SPOCK1: variants seen among roughly 807,000 people sequenced by gnomAD.
SPOCK1 encodes the protein testican-1.
SPOCK1 carries 23 observed loss-of-function variants against 55.3 expected under a neutral mutation model. That is an observed-to-expected ratio of 0.42 (90% CI 0.30 to 0.59). The LOEUF is 0.59. SPOCK1 is among the 20% of genes least tolerant of loss of function. The probability of loss-of-function intolerance (pLI) is 0.22; values close to 1 mark genes in which losing one functional copy is unlikely to be tolerated. For missense variants in SPOCK1, 499 were observed against 552.5 expected, an observed-to-expected ratio of 0.90 and a Z score of 0.97; for synonymous variants, 226 against 221.0, an observed-to-expected ratio of 1.02 and a Z score of -0.20.
At chr5:137,271,453 C>T (rs976240996) in intron 2 of SPOCK1, among the ~76,000 whole-genome samples, 2 of 150,024 alleles carry the variant, frequency 1.3e-5, no homozygotes, top group African/African-American at 4.9e-5. Context: ...ATAAATATGC[C>T]AAGACCACTC....
At chr5:137,122,257 G>GCACACACACACACACACGCA (rs1554098654) in intron 4 of SPOCK1, among the ~76,000 whole-genome samples, 2 of 145,884 alleles carry the variant, frequency 1.4e-5, no homozygotes, top group Admixed American at 1.4e-4. Context: ...ACACACACAC[G>GCACACACACACACACACGCA]CACACACACA....
chr5:137,320,361 T>C (rs1757959332), intron 2 of SPOCK1, among the ~76,000 whole-genome samples: 1 of 152,038 alleles, frequency 6.6e-6, no homozygotes, highest in Non-Finnish European at 1.5e-5. Flanking sequence ...ACTTGTAGTA[T>C]CACACAGAGA....
chr5:137,287,055 G>A (rs1341241074), intron 2 of SPOCK1, among the ~76,000 whole-genome samples: 2 of 152,116 alleles, frequency 1.3e-5, no homozygotes, highest in South Asian at 2.1e-4. Context: ...TGTTAACCTG[G>A]AAGAAAAATA....
intron 2 of SPOCK1, among the ~76,000 whole-genome samples, chr5:137,286,571 C>T (rs1757270735): frequency 6.6e-6 from 1 of 152,164 alleles, no homozygotes; most frequent in Non-Finnish European, 1.5e-5. Flanking sequence ...TGCAGCAGCC[C>T]TGCTAGTGTA....
In SPOCK1 at chr5:137,278,657, A is replaced by G. The variant is rs1757113379; in HGVS notation, c.187-11602T>C. 1.3e-5 allele frequency among the ~76,000 whole-genome samples: 2 copies of G among 151,964 alleles called. 1 individual carries two copies. The highest frequency in any genetic ancestry group is 4.2e-4 in the South Asian group (2 of 4,814). On this transcript the variant is annotated intron_variant, in intron 2 of 10. Transcript: ENST00000394945. ...CTGTTACCCAACAGGCACTGACGCA[A>G]CTCTGTAATTGTTGTAACACAATTT...
intron 3 of SPOCK1, among the ~76,000 whole-genome samples, chr5:137,178,430 C>G (rs957625333): frequency 3.9e-5 from 6 of 152,178 alleles, no homozygotes; most frequent in Non-Finnish European, 1.5e-5. Context: ...CTGGTAGGCA[C>G]CGGGCATGCG....
At chr5:137,461,042 T>C (rs1753479462) in intron 2 of SPOCK1, among the ~76,000 whole-genome samples, 1 of 152,228 alleles carries the variant, frequency 6.6e-6, no homozygotes, top group South Asian at 2.1e-4. Flanking sequence ...TCAGAAATTC[T>C]AATATATGTA....
At chr5:137,283,002 A>G (rs953616658) in intron 2 of SPOCK1, among the ~76,000 whole-genome samples, 1 of 152,200 alleles carries the variant, frequency 6.6e-6, no homozygotes, top group Non-Finnish European at 1.5e-5. Flanking sequence ...TTCACAATCC[A>G]ACTGCAAGTG....
chr5:137,255,696 T>C (rs1230162607), intron 3 of SPOCK1, among the ~76,000 whole-genome samples: 2 of 152,150 alleles, frequency 1.3e-5, no homozygotes, highest in Non-Finnish European at 1.5e-5. Flanking sequence ...CTCAAGTGCA[T>C]TGATTACCAT....
intron 5 of SPOCK1, among the ~76,000 whole-genome samples, chr5:137,087,380 T>A (rs578254677): frequency 6.6e-6 from 1 of 152,236 alleles, no homozygotes; most frequent in Admixed American, 6.5e-5. Context: ...AGAGAACTAG[T>A]ACCACTGACA....
At chr5:137,470,165 A>G (rs980710678) in intron 2 of SPOCK1, among the ~76,000 whole-genome samples, 2 of 152,174 alleles carry the variant, frequency 1.3e-5, no homozygotes, top group African/African-American at 2.4e-5. Flanking sequence ...TCCATCCACA[A>G]TGAAATGTAT....
chr5:137,407,676 C>T (rs1373007682), intron 2 of SPOCK1, among the ~76,000 whole-genome samples: 2 of 152,128 alleles, frequency 1.3e-5, no homozygotes, highest in Non-Finnish European at 2.9e-5. Context: ...ATAGAGAGAA[C>T]TCCGATCACC....
At chr5:137,381,285 C>T (rs1185612141) in intron 2 of SPOCK1, among the ~76,000 whole-genome samples, 1 of 152,170 alleles carries the variant, frequency 6.6e-6, no homozygotes, top group East Asian at 1.9e-4. Context: ...GTGCCTGTGA[C>T]TTTTCCAGGA....
At chr5:137,128,061 G>A (rs1195547077) in intron 4 of SPOCK1, among the ~76,000 whole-genome samples, 1 of 152,180 alleles carries the variant, frequency 6.6e-6, no homozygotes, top group Non-Finnish European at 1.5e-5. Flanking sequence ...GAAGCCTTTG[G>A]ACAGTAATTA....
intron 3 of SPOCK1, among the ~76,000 whole-genome samples, chr5:137,236,922 G>T (rs1171449665): frequency 1.3e-5 from 2 of 152,108 alleles, no homozygotes; most frequent in East Asian, 3.9e-4. Context: ...CACCCTCACA[G>T]CCCCCAACCA....
At chr5:137,167,326 A>C (rs1322981868) in intron 3 of SPOCK1, among the ~76,000 whole-genome samples, 2 of 151,998 alleles carry the variant, frequency 1.3e-5, no homozygotes, top group African/African-American at 4.8e-5. Context: ...TAAAGTAAAT[A>C]TTTGATCTAA....
At chr5:137,432,932 T>C (rs954792756) in intron 2 of SPOCK1, among the ~76,000 whole-genome samples, 2 of 152,174 alleles carry the variant, frequency 1.3e-5, no homozygotes, top group African/African-American at 4.8e-5. Flanking sequence ...CATTGCATAT[T>C]TGTCCTAGAT....
At chr5:137,440,026 G>T (rs1752959267) in intron 2 of SPOCK1, among the ~76,000 whole-genome samples, 1 of 151,942 alleles carries the variant, frequency 6.6e-6, no homozygotes, top group African/African-American at 2.4e-5. Context: ...GGAAAATGGA[G>T]ATCAAAACAG....
chr5:137,188,741 C>G (rs1755120204), intron 3 of SPOCK1, among the ~76,000 whole-genome samples: 1 of 152,196 alleles, frequency 6.6e-6, no homozygotes, highest in Non-Finnish European at 1.5e-5. Context: ...AAATCAAAAG[C>G]TATAAATGAT....
Sources: gnomAD v4.1 joint callset for allele counts (sites outside exome capture counted in the v4.1 genomes callset) on GRCh38, gnomAD v4.1.1 for gene constraint, MANE v1.5 for transcripts, NCBI Gene and HGNC (gene_info 2026-07-23, HGNC 2026-07-21) for gene names.